BASP1: variants seen among roughly 807,000 people sequenced by gnomAD.
BASP1 encodes the protein brain acid soluble protein 1.
BASP1 carries 1 observed loss-of-function variant against 2.2 expected under a neutral mutation model. The ratio of observed to expected loss-of-function variants is 0.46; its 90% CI spans 0.16 to 2.17. The LOEUF (loss-of-function observed/expected upper bound fraction) is 2.17, where lower values mean the gene tolerates loss of function less well. Ranked by LOEUF, BASP1 falls within the 30% of genes most tolerant of loss-of-function variation. The probability of loss-of-function intolerance (pLI) is 0.27; values close to 1 mark genes in which losing one functional copy is unlikely to be tolerated. For missense variants in BASP1, 352 were observed against 327.2 expected, an observed-to-expected ratio of 1.08 and a Z score of -0.58; for synonymous variants, 187 against 154.2, an observed-to-expected ratio of 1.21 and a Z score of -1.58.
rs1740288835 is a variant in BASP1, at chr5:17,260,177, T to C, written c.-9-15031T>C. On this transcript the variant is annotated intron_variant, in intron 1 of 1. Transcript: ENST00000322611. This position sits in a 1 kb window ranked among gnomAD's most constrained non-coding sequence, Gnocchi z 4.2. ...AGACTCTAAAAAGCATATTAGACTA[T>C]TGACGAGAATGAATAATGCATGTTT... Among the ~76,000 whole-genome samples, 1 of 152,204 alleles carries C rather than the reference T, an allele frequency of 6.6e-6. No homozygotes were observed. The highest frequency in any genetic ancestry group is 1.5e-5 in the Non-Finnish European group (1 of 68,036).
intron 1 of BASP1, among the ~76,000 whole-genome samples, chr5:17,259,403 T>G (rs533499801): frequency 6.6e-6 from 1 of 152,202 alleles, no homozygotes; most frequent in Admixed American, 6.5e-5. Flanking sequence ...CATATCAGCA[T>G]AGTATTCATC....
At position 17,275,739 on chromosome 5, in the gene BASP1, G is replaced by T. The variant is rs777506068; in HGVS notation, c.523G>T (p.Gly175Cys). ...DGAPASDSKPGSSEAAPSSKE... is the reference protein window; with the variant it reads ...DGAPASDSKPCSSEAAPSSKE... ...GGCCCCAGCTTCAGACTCAAAACCC[G>T]GCAGCTCGGAGGCTGCCCCCTCTTC... Residue 175 changes from glycine (G) to cysteine (C), a missense_variant, in exon 2 of 2, where the codon GGC becomes TGC. Physicochemically the swap from Gly to Cys is radical, Grantham distance 159. Coordinates refer to ENST00000322611, the MANE Select transcript of BASP1 (RefSeq NM_006317.5). The surrounding 1 kb of genome is among the most constrained non-coding windows in gnomAD (Gnocchi z 5.3). 5 of 1,611,722 alleles carry T rather than the reference G, an allele frequency of 3.1e-6. No homozygotes were observed. The highest frequency in any genetic ancestry group is 4.2e-6 in the Non-Finnish European group (5 of 1,179,252).
At chr5:17,243,445 C>A (rs191492272) in intron 1 of BASP1, among the ~76,000 whole-genome samples, 1 of 152,138 alleles carries the variant, frequency 6.6e-6, no homozygotes, top group Non-Finnish European at 1.5e-5. Flanking sequence ...TGAGCCACCA[C>A]GCCCGGCTCC....
chr5:17,253,782 G>T (rs914571487), intron 1 of BASP1, among the ~76,000 whole-genome samples: 2 of 152,080 alleles, frequency 1.3e-5, no homozygotes, highest in Non-Finnish European at 2.9e-5. Context: ...TTACAGACTG[G>T]AATCTGTGAT....
intron 1 of BASP1, among the ~76,000 whole-genome samples, chr5:17,262,511 C>A (rs1740332557): frequency 6.6e-6 from 1 of 152,126 alleles, no homozygotes; most frequent in Non-Finnish European, 1.5e-5. Flanking sequence ...AATAATTCCT[C>A]CCTCGTAGAA....
chr5:17,257,981 C>T (rs1740247513), intron 1 of BASP1, among the ~76,000 whole-genome samples: 1 of 152,158 alleles, frequency 6.6e-6, no homozygotes, highest in Non-Finnish European at 1.5e-5. Flanking sequence ...ATCAGGGGTT[C>T]TTGAAATTGC....
intron 1 of BASP1, among the ~76,000 whole-genome samples, chr5:17,227,700 G>A (rs1349371716): frequency 6.6e-6 from 1 of 152,078 alleles, no homozygotes; most frequent in East Asian, 1.9e-4. Flanking sequence ...CACCATGCCC[G>A]GCCAATAACT....
intron 1 of BASP1, among the ~76,000 whole-genome samples, chr5:17,226,156 A>G (rs756941309): frequency 6.6e-6 from 1 of 152,248 alleles, no homozygotes; most frequent in African/African-American, 2.4e-5. Context: ...TTTTATTTTC[A>G]TAATGCTTTT....
At chr5:17,231,904 C>A (rs1739639258) in intron 1 of BASP1, among the ~76,000 whole-genome samples, 1 of 152,214 alleles carries the variant, frequency 6.6e-6, no homozygotes, top group South Asian at 2.1e-4. Context: ...ACATTATGTT[C>A]ATGGAGAGCA....
chr5:17,271,178 T>C (rs1165061739), intron 1 of BASP1, among the ~76,000 whole-genome samples: 1 of 152,230 alleles, frequency 6.6e-6, no homozygotes, highest in Non-Finnish European at 1.5e-5. Context: ...GGTCTCACTC[T>C]GCCCAGGCCA....
intron 1 of BASP1, among the ~76,000 whole-genome samples, chr5:17,233,485 T>C (rs1264800914): frequency 6.6e-6 from 1 of 152,196 alleles, no homozygotes; most frequent in Admixed American, 6.5e-5. Context: ...CAGAAGGCCA[T>C]GTCAGTGTTA....
Position 17,275,471 on chromosome 5 carries a change from G to A in BASP1, c.255G>A (p.Ala85=), listed in dbSNP as rs1044009433. 7 of 1,496,868 alleles carry A rather than the reference G, an allele frequency of 4.7e-6. No homozygotes were observed. The African/African-American group carries it at 9.9e-5, about 21-fold the overall frequency. 92.7% of individuals were successfully genotyped at this position (1,496,868 alleles called of 1,614,324 possible). ...CTGCCAAGGAGGAGGCCCCGAAGGC[G>A]GAGCCCGAGAAGACGGAGGGCGCGG... is the stretch of plus-strand genomic sequence containing the variant. ...AAAAKEEAPK[A]EPEKTEGAAE... The change falls in exon 2 of 2, where the codon GCG becomes GCA. Residue 85 remains alanine (A), a synonymous_variant. Transcript: ENST00000322611. The surrounding 1 kb of genome is among the most constrained non-coding windows in gnomAD (Gnocchi z 5.3).
intron 1 of BASP1, among the ~76,000 whole-genome samples, chr5:17,230,021 G>A (rs560334111): frequency 5.9e-5 from 9 of 152,118 alleles, no homozygotes; most frequent in African/African-American, 1.9e-4. Flanking sequence ...CAAAGTGCTG[G>A]GATTACAGGC....
intron 1 of BASP1, among the ~76,000 whole-genome samples, chr5:17,242,046 G>A (rs192703322): frequency 4.2e-4 from 64 of 152,208 alleles, no homozygotes; most frequent in African/African-American, 1.4e-3. Flanking sequence ...TCTCATTCAC[G>A]TCTATTCTGT....
intron 1 of BASP1, among the ~76,000 whole-genome samples, chr5:17,274,053 T>A (rs1474942238): frequency 6.6e-6 from 1 of 152,176 alleles, no homozygotes; most frequent in Non-Finnish European, 1.5e-5. Flanking sequence ...TATAATTTAT[T>A]ATTTATCTGG....
Position 17,260,333 on chromosome 5 carries a change from A to G in BASP1, c.-9-14875A>G, listed in dbSNP as rs539098923. Among the ~76,000 whole-genome samples the G allele has an allele frequency of 1.3e-5, 2 of 152,342 alleles. No homozygotes were observed. Among genetic ancestry groups the G allele is most frequent in the South Asian group, 2.1e-4 (1 of 4,832 alleles). On this transcript the variant is annotated intron_variant, in intron 1 of 1. Coordinates refer to ENST00000322611, the MANE Select transcript of BASP1 (RefSeq NM_006317.5). The surrounding 1 kb of genome is among the most constrained non-coding windows in gnomAD (Gnocchi z 4.2). ...TATTATCTGCCACCTTTATAGAAGC[A>G]TTATCAAGTCAGGGTTTTATGGTTA... is the stretch of plus-strand genomic sequence containing the variant.
chr5:17,254,113 CAG>C (rs1740154593), intron 1 of BASP1, among the ~76,000 whole-genome samples: 1 of 151,918 alleles, frequency 6.6e-6, no homozygotes. Flanking sequence ...TATTTTTTCT[CAG>C]AGAACAAACC....
At chr5:17,221,779 A>C (rs1418886686) in intron 1 of BASP1, among the ~76,000 whole-genome samples, 1 of 152,132 alleles carries the variant, frequency 6.6e-6, no homozygotes, top group Non-Finnish European at 1.5e-5. Flanking sequence ...AGGAACTGTG[A>C]GGTTGCAAAT....
intron 1 of BASP1, among the ~76,000 whole-genome samples, chr5:17,248,622 A>C (rs976586786): frequency 2.0e-5 from 3 of 152,186 alleles, no homozygotes; most frequent in Non-Finnish European, 4.4e-5. Flanking sequence ...TTTGAGGGTT[A>C]ATAAAACCAA....
Sources: allele counts gnomAD v4.1 joint callset (sites outside exome capture counted in the v4.1 genomes callset), GRCh38; gene constraint gnomAD v4.1.1; non-coding constraint Gnocchi (gnomAD v3.1); transcripts MANE v1.5; gene names NCBI Gene and HGNC (gene_info 2026-07-23, HGNC 2026-07-21).